TRERF1: variants seen among roughly 807,000 people sequenced by gnomAD.
The protein encoded by TRERF1 is transcriptional-regulating factor 1.
A neutral mutation model predicts 122.9 loss-of-function variants in TRERF1; 27 were observed. The ratio of observed to expected loss-of-function variants is 0.22; its 90% CI spans 0.16 to 0.30. TRERF1 has a LOEUF of 0.30. TRERF1 is among the 10% of genes least tolerant of loss of function. TRERF1 has a pLI of 1.00. For synonymous variants in TRERF1, 636 were observed against 641.7 expected, an observed-to-expected ratio of 0.99 and a Z score of 0.13; for missense variants, 1,248 against 1,560.3, an observed-to-expected ratio of 0.80 and a Z score of 3.37.
intron 16 of TRERF1, among the ~76,000 whole-genome samples, chr6:42,233,808 G>A (rs766585660): frequency 1.3e-5 from 2 of 152,158 alleles, no homozygotes; most frequent in Non-Finnish European, 2.9e-5. Flanking sequence ...GCACCCTAAG[G>A]AATCCAGTTT....
rs116416754 is a variant in TRERF1, at chr6:42,251,215, C to T, written c.2656+3636G>A. 7.4e-3 allele frequency among the ~76,000 whole-genome samples: 1,125 copies of T among 151,820 alleles called. 14 individuals carry two copies. Among genetic ancestry groups the T allele is most frequent in the African/African-American group, 0.025 (1,046 of 41,414 alleles). Reference sequence around the variant, plus strand: ...TTCACCATGTTTTCCAGGCTGGTGTCGAACTCCTGAGCTTAAGCGATCTGC... The same window carrying T: ...TTCACCATGTTTTCCAGGCTGGTGTTGAACTCCTGAGCTTAAGCGATCTGC... On this transcript the variant is annotated intron_variant, in intron 13 of 17. Coordinates refer to ENST00000372922, the Ensembl canonical transcript of TRERF1.
At chr6:42,422,894 C>T (rs1248549876) in intron 2 of TRERF1, among the ~76,000 whole-genome samples, 9 of 152,102 alleles carry the variant, frequency 5.9e-5, no homozygotes, top group Non-Finnish European at 1.3e-4. Context: ...GGCTGGAGTG[C>T]AATGGCGCGA....
intron 3 of TRERF1, among the ~76,000 whole-genome samples, chr6:42,332,215 T>C (rs2150582409): frequency 6.6e-6 from 1 of 152,354 alleles, no homozygotes; most frequent in Non-Finnish European, 1.5e-5. Context: ...AGTGCTGGTA[T>C]TACAGGCGTG....
chr6:42,360,797 A>C (rs1215118118), intron 3 of TRERF1, among the ~76,000 whole-genome samples: 5 of 149,902 alleles, frequency 3.3e-5, no homozygotes, highest in South Asian at 2.1e-4. Flanking sequence ...AAAAAAAAAA[A>C]AAAAACCTGG....
intron 3 of TRERF1, among the ~76,000 whole-genome samples, chr6:42,343,265 A>G (rs1452909517): frequency 6.6e-6 from 1 of 152,250 alleles, no homozygotes; most frequent in Non-Finnish European, 1.5e-5. Flanking sequence ...AGGTTTGCTT[A>G]AAAGTAATTT....
At chr6:42,419,023 T>C (rs1782343670) in intron 2 of TRERF1, among the ~76,000 whole-genome samples, 1 of 152,306 alleles carries the variant, frequency 6.6e-6, no homozygotes, top group African/African-American at 2.4e-5. Flanking sequence ...GCTGAGGCCA[T>C]CAGTCAAGCT....
At chr6:42,307,583 C>G (rs1397719234) in intron 3 of TRERF1, among the ~76,000 whole-genome samples, 2 of 151,942 alleles carry the variant, frequency 1.3e-5, no homozygotes, top group African/African-American at 4.8e-5. Context: ...CCAGGGGACA[C>G]CAGGGGGTGG....
rs201820304 is a variant in TRERF1, at chr6:42,413,139, AG to A, written c.-454+38037del. 5.9e-4 allele frequency among the ~76,000 whole-genome samples: 90 copies of A among 152,308 alleles called. 4 individuals carry two copies. In the East Asian group the frequency reaches 0.017, roughly 28 times the overall value. On this transcript the variant is annotated intron_variant, in intron 2 of 17. Transcript: ENST00000372922. ...TACGGCCACTAATGAAGCCAAAAAA[AG>A]TGATTAGGTGGGTCAGGGCATCTCA...
chr6:42,440,728 A>G (rs1395227488), intron 2 of TRERF1, among the ~76,000 whole-genome samples: 2 of 152,224 alleles, frequency 1.3e-5, no homozygotes, highest in Non-Finnish European at 2.9e-5. Flanking sequence ...TAAAAATTAA[A>G]CAGTTCTTAC....
intron 12 of TRERF1, among the ~76,000 whole-genome samples, chr6:42,256,031 T>C (rs1235906163): frequency 6.7e-6 from 1 of 149,920 alleles, no homozygotes; most frequent in South Asian, 2.1e-4. Flanking sequence ...CTAGGAAGGC[T>C]GAGGAGGGAG....
At chr6:42,436,812 A>ACATATATAT (rs1472456515) in intron 2 of TRERF1, among the ~76,000 whole-genome samples, 1 of 97,958 alleles carries the variant, frequency 1.0e-5, no homozygotes. Context: ...AAAAAAAAAA[A>ACATATATAT]AAATATATAT....
At position 42,323,268 on chromosome 6, in the gene TRERF1, G is replaced by A. The variant is rs845846; in HGVS notation, c.-370-22519C>T. ...GGCTGGAGTGCAGTGGTGTGATCTC[G>A]GCTCACTGCAACCTCTGCCTCCTGG... On this transcript the variant is annotated intron_variant, in intron 3 of 17. Coordinates refer to ENST00000372922, the Ensembl canonical transcript of TRERF1. Among the ~76,000 whole-genome samples, 141 of 149,246 alleles carry A rather than the reference G, an allele frequency of 9.4e-4. 1 individual carries two copies. The highest frequency in any genetic ancestry group is 3.2e-3 in the African/African-American group (129 of 40,438).
At chr6:42,245,413 G>A (rs1774596234) in intron 14 of TRERF1, among the ~76,000 whole-genome samples, 1 of 152,218 alleles carries the variant, frequency 6.6e-6, no homozygotes, top group East Asian at 1.9e-4. Flanking sequence ...GCCACCCTAG[G>A]ACACCTCCGA....
chr6:42,380,432 C>G (rs567607855), intron 2 of TRERF1, among the ~76,000 whole-genome samples: 1 of 152,240 alleles, frequency 6.6e-6, no homozygotes, highest in Non-Finnish European at 1.5e-5. Flanking sequence ...AGGAGCCAGG[C>G]TGAAGCCCAG....
chr6:42,336,230 C>G (rs1025170172), intron 3 of TRERF1, among the ~76,000 whole-genome samples: 3 of 152,148 alleles, frequency 2.0e-5, no homozygotes, highest in Non-Finnish European at 2.9e-5. Context: ...AATGGAAGAA[C>G]ACATGAGAGG....
In TRERF1 at chr6:42,268,780, G is replaced by C. The variant is rs746364152; in HGVS notation, c.811C>G (p.Pro271Ala). 1.5e-5 allele frequency: 25 copies of C among 1,614,044 alleles called. 1 individual carries two copies. In the South Asian group the frequency reaches 2.6e-4, roughly 17 times the overall value. ...CCGGCTTGCTGCTGTTGCTGCGGTG[G>C]GTAATACTGGTGCTGCTGCATCTGT... is the stretch of plus-strand genomic sequence containing the variant. Residue 271 changes from proline (P) to alanine (A), a missense_variant, in exon 5 of 18, where the codon CCA (proline) becomes GCA (alanine). Physicochemically the swap from Pro to Ala is conservative, Grantham distance 27. Transcript: ENST00000372922. The surrounding 1 kb of genome is among the most constrained non-coding windows in gnomAD (Gnocchi z 4.4).
chr6:42,392,236 A>ATGAG (rs1249860107), intron 2 of TRERF1, among the ~76,000 whole-genome samples: 8 of 152,326 alleles, frequency 5.3e-5, no homozygotes, highest in African/African-American at 1.7e-4. Flanking sequence ...GAAGAAATGA[A>ATGAG]TGAGTGAATG....
intron 15 of TRERF1, among the ~76,000 whole-genome samples, chr6:42,241,699 T>G (rs184859218): frequency 2.6e-5 from 4 of 152,266 alleles, no homozygotes; most frequent in Admixed American, 2.6e-4. Context: ...TGACCTTAGA[T>G]GATCTGCCCA....
chr6:42,307,711 G>A (rs900968693), intron 3 of TRERF1, among the ~76,000 whole-genome samples: 2 of 150,522 alleles, frequency 1.3e-5, no homozygotes, highest in Non-Finnish European at 1.5e-5. Context: ...AAAAAGATCC[G>A]ATCGCTATTA....
Sources: gnomAD v4.1 joint callset for allele counts (sites outside exome capture counted in the v4.1 genomes callset) on GRCh38, gnomAD v4.1.1 for gene constraint, Gnocchi (gnomAD v3.1) non-coding constraint, MANE v1.5 for transcripts, NCBI Gene and HGNC (gene_info 2026-07-23, HGNC 2026-07-21) for gene names.